The following ZNF148 variants were observed in gnomAD, a reference collection of about 807,000 sequenced individuals.
The protein encoded by ZNF148 is zinc finger protein 148.
In ZNF148, 7 loss-of-function variants were observed where a neutral mutation model predicts 67.7. The ratio of observed to expected loss-of-function variants is 0.10; its 90% confidence interval spans 0.06 to 0.19. The LOEUF is 0.19. Ranked by LOEUF, ZNF148 falls within the 10% of genes least tolerant of loss-of-function variation. The probability of loss-of-function intolerance (pLI) is 1.00; values close to 1 mark genes in which losing one functional copy is unlikely to be tolerated. For synonymous variants in ZNF148, 333 were observed against 330.7 expected, an observed-to-expected ratio of 1.01 and a Z score of -0.08; for missense variants, 583 against 947.1, an observed-to-expected ratio of 0.62 and a Z score of 5.05.
chr3:125,246,790 A>G (rs1040787566), intron 7 of ZNF148, among the ~76,000 whole-genome samples: 6 of 152,244 alleles, frequency 3.9e-5, no homozygotes, highest in African/African-American at 7.2e-5. Flanking sequence ...CTGAACAATA[A>G]ACTTGAGAAA....
chr3:125,336,546 C>G (rs568113420), intron 1 of ZNF148, among the ~76,000 whole-genome samples: 4 of 152,156 alleles, frequency 2.6e-5, no homozygotes, highest in South Asian at 2.1e-4. Context: ...TTAAGATTCC[C>G]TCTAAGGAGT....
intron 4 of ZNF148, among the ~76,000 whole-genome samples, chr3:125,302,437 C>A (rs1243638742): frequency 1.3e-5 from 2 of 151,894 alleles, no homozygotes; most frequent in Non-Finnish European, 2.9e-5. Flanking sequence ...CCCAGACCTG[C>A]CCTTTACCTC....
chr3:125,336,676 C>CGTTT, intron 1 of ZNF148, among the ~76,000 whole-genome samples: 1 of 46,138 alleles, frequency 2.2e-5, no homozygotes, highest in Non-Finnish European at 4.3e-5. Context: ...CCAGAAATCA[C>CGTTT]CTTTTTTTTT....
At chr3:125,357,466 C>A (rs78574154) in intron 1 of ZNF148, among the ~76,000 whole-genome samples, 89 of 152,360 alleles carry the variant, frequency 5.8e-4, no homozygotes, top group African/African-American at 1.9e-3. Context: ...CGTCCTCCCC[C>A]CCTTCCAGGG....
chr3:125,283,957 A>G (rs1011733750), intron 5 of ZNF148, among the ~76,000 whole-genome samples: 1 of 152,154 alleles, frequency 6.6e-6, no homozygotes, highest in African/African-American at 2.4e-5. Context: ...AAGTGTTACA[A>G]CAAACCCAGT....
intron 7 of ZNF148, among the ~76,000 whole-genome samples, chr3:125,254,344 T>C (rs953969882): frequency 6.6e-6 from 1 of 152,180 alleles, no homozygotes; most frequent in African/African-American, 2.4e-5. Context: ...AAATAATGTG[T>C]ACTTGGTTAC....
intron 1 of ZNF148, among the ~76,000 whole-genome samples, chr3:125,371,847 G>A (rs868507586): frequency 4.0e-5 from 6 of 151,762 alleles, no homozygotes; most frequent in Non-Finnish European, 5.9e-5. Flanking sequence ...GGTAGATCAC[G>A]AGGTCAGGAG....
chr3:125,361,840 A>AC (rs1942552661), intron 1 of ZNF148, among the ~76,000 whole-genome samples: 1 of 151,508 alleles, frequency 6.6e-6, no homozygotes, highest in South Asian at 2.1e-4. Context: ...CTCAAAAAAA[A>AC]AAAAATAGTT....
rs1935987332 is a variant in ZNF148, at chr3:125,234,409, TA to T, written c.668-81del. On this transcript the variant is annotated intron_variant, in intron 7 of 8. Coordinates refer to ENST00000360647, the MANE Select transcript of ZNF148 (RefSeq NM_021964.3). ...TGCTTTGCCATAAGAATCTCTAAAA[TA>T]AATGGCTTTTGAAAGTTGTAACTTC... 19 of 1,024,096 alleles carry T rather than the reference TA, an allele frequency of 1.9e-5. No individual in the cohort carries two copies. The Admixed American group carries it at 2.3e-4, about 12-fold the overall frequency. 63.4% of individuals were successfully genotyped at this position (1,024,096 alleles called of 1,614,324 possible). A position where few individuals can be genotyped will look rare whatever the true frequency, so the allele number is the denominator to read the frequency against.
intron 4 of ZNF148, among the ~76,000 whole-genome samples, chr3:125,307,853 T>C (rs1258350896): frequency 1.3e-5 from 2 of 151,044 alleles, no homozygotes; most frequent in African/African-American, 2.4e-5. Context: ...GGTTTCCCCA[T>C]GTTGTGCAGG....
At chr3:125,301,858 G>A (rs1272469200) in intron 4 of ZNF148, among the ~76,000 whole-genome samples, 7 of 152,136 alleles carry the variant, frequency 4.6e-5, no homozygotes, top group African/African-American at 1.4e-4. Flanking sequence ...GAGGTCAGGA[G>A]TTCAAGACCA....
intron 7 of ZNF148, among the ~76,000 whole-genome samples, chr3:125,261,156 A>C (rs1026361716): frequency 1.3e-5 from 2 of 152,218 alleles, no homozygotes; most frequent in African/African-American, 4.8e-5. Context: ...ACAGCTACTC[A>C]GCTTTGCTGT....
At chr3:125,304,163 G>A (rs781296252) in intron 4 of ZNF148, among the ~76,000 whole-genome samples, 5 of 152,152 alleles carry the variant, frequency 3.3e-5, no homozygotes, top group African/African-American at 7.2e-5. Flanking sequence ...ATACCAGACA[G>A]AAGGAAGAGG....
chr3:125,314,328 C>T (rs1199325755), intron 3 of ZNF148, among the ~76,000 whole-genome samples: 1 of 152,164 alleles, frequency 6.6e-6, no homozygotes, highest in African/African-American at 2.4e-5. Context: ...AGGAATTCTA[C>T]ATTTTGGAAT....
chr3:125,355,855 G>A (rs1942323424), intron 1 of ZNF148, among the ~76,000 whole-genome samples: 1 of 152,094 alleles, frequency 6.6e-6, no homozygotes, highest in Non-Finnish European at 1.5e-5. Flanking sequence ...AAGTATATAA[G>A]CTATGGGGAA....
intron 1 of ZNF148, among the ~76,000 whole-genome samples, chr3:125,355,726 T>TAAAAAAAAAAAAAAA (rs35258657): frequency 6.8e-6 from 1 of 147,520 alleles, no homozygotes. Context: ...AGTCTCTATT[T>TAAAAAAAAAAAAAAA]AAAAAAAAAA....
At chr3:125,234,618 A>C (rs1936000981) in intron 7 of ZNF148, among the ~76,000 whole-genome samples, 1 of 152,200 alleles carries the variant, frequency 6.6e-6, no homozygotes, top group African/African-American at 2.4e-5. Context: ...TGAACAGACT[A>C]GCTGATGTTT....
At chr3:125,300,218 C>T (rs775392191) in intron 4 of ZNF148, among the ~76,000 whole-genome samples, 1 of 152,130 alleles carries the variant, frequency 6.6e-6, no homozygotes, top group South Asian at 2.1e-4. Context: ...ATGATGTGCC[C>T]ACCTCAGCCT....
intron 7 of ZNF148, among the ~76,000 whole-genome samples, chr3:125,244,878 G>C (rs1202804834): frequency 1.3e-5 from 2 of 151,788 alleles, no homozygotes; most frequent in East Asian, 1.9e-4. Flanking sequence ...TTTTGCCTTG[G>C]CATCTATGAC....
Sources: gnomAD v4.1 joint callset for allele counts (sites outside exome capture counted in the v4.1 genomes callset) on GRCh38, gnomAD v4.1.1 for gene constraint, MANE v1.5 for transcripts, NCBI Gene and HGNC (gene_info 2026-07-23, HGNC 2026-07-21) for gene names.